Variants in USP22 observed in about 807,000 individuals in gnomAD.
The protein encoded by USP22 is ubiquitin specific peptidase 22.
In USP22, 22 loss-of-function variants were observed where a neutral mutation model predicts 68.1. The observed-to-expected ratio is 0.32, with a 90% CI of 0.23 to 0.46. USP22 has a LOEUF of 0.46. USP22 is among the 20% of genes least tolerant of loss of function. The pLI is 1.00. For synonymous variants in USP22, 279 were observed against 274.2 expected, an observed-to-expected ratio of 1.02 and a Z score of -0.17; for missense variants, 433 against 695.8, an observed-to-expected ratio of 0.62 and a Z score of 4.25.
intron 1 of USP22, among the ~76,000 whole-genome samples, chr17:21,040,956 C>T (rs1972421989): frequency 6.6e-6 from 1 of 151,294 alleles, no homozygotes; most frequent in African/African-American, 2.4e-5. Flanking sequence ...GCGATCACTG[C>T]TCACTGCAAC....
At chr17:21,012,968 C>G (rs1330083018) in intron 6 of USP22, 33 bp from the exon 7 acceptor site, 1 of 1,602,958 alleles carries the variant, frequency 6.2e-7, no homozygotes, top group Non-Finnish European at 8.5e-7. Flanking sequence ...GGATTAGTGT[C>G]TCCCCAAATA....
At chr17:21,023,165 G>A (rs1448804414) in intron 2 of USP22, among the ~76,000 whole-genome samples, 2 of 152,056 alleles carry the variant, frequency 1.3e-5, no homozygotes, top group East Asian at 3.9e-4. Flanking sequence ...AACAGACACT[G>A]CGGCCTACTT....
At chr17:21,010,776 A>C (rs1423933839) in intron 8 of USP22, among the ~76,000 whole-genome samples, 1 of 152,146 alleles carries the variant, frequency 6.6e-6, no homozygotes, top group Non-Finnish European at 1.5e-5. Flanking sequence ...ACTAAGTTTT[A>C]ATCATGTGCA....
At chr17:21,015,720 C>T in intron 6 of USP22, 32 bp downstream of exon 6, 1 of 1,586,288 alleles carries the variant, frequency 6.3e-7, no homozygotes, top group Non-Finnish European at 8.6e-7. Context: ...AAACATCCTG[C>T]CCTGGTGGAG....
chr17:21,037,829 A>G (rs1278996072), intron 1 of USP22, among the ~76,000 whole-genome samples: 1 of 152,246 alleles, frequency 6.6e-6, no homozygotes, highest in Non-Finnish European at 1.5e-5. Flanking sequence ...TATATTGAAG[A>G]TAGACTGTAT....
intron 6 of USP22, among the ~76,000 whole-genome samples, chr17:21,015,462 A>G (rs1160461718): frequency 6.6e-6 from 1 of 152,156 alleles, no homozygotes; most frequent in Non-Finnish European, 1.5e-5. Context: ...GCCTCAAAGC[A>G]CAGGCCCAAG....
intron 4 of USP22, among the ~76,000 whole-genome samples, chr17:21,018,799 T>C (rs1335742625): frequency 6.6e-6 from 1 of 152,258 alleles, no homozygotes; most frequent in African/African-American, 2.4e-5. Context: ...TGAAGATTAC[T>C]GTGCCCAGCC....
At position 21,000,729 on chromosome 17, in the gene USP22, C is replaced by G. The variant is rs1913539653; in HGVS notation, c.*2302G>C. On this transcript the variant is annotated 3_prime_UTR_variant, in exon 13 of 13. Coordinates refer to ENST00000261497, the MANE Select transcript of USP22 (RefSeq NM_015276.2). ...AGCTCACAATCCTGTGGGCCAACTTCAGTCAACTCTCCTTTCCATTAGATT... is the reference window on the plus strand; with the variant it reads ...AGCTCACAATCCTGTGGGCCAACTTGAGTCAACTCTCCTTTCCATTAGATT... The G allele has an allele frequency of 1.3e-5, 2 of 152,262 alleles. No homozygotes were observed. Among genetic ancestry groups the G allele is most frequent in the South Asian group, 4.1e-4 (2 of 4,832 alleles). 9.4% of individuals were successfully genotyped at this position (152,262 alleles called of 1,614,324 possible).
At chr17:21,039,153 G>C (rs571890512) in intron 1 of USP22, among the ~76,000 whole-genome samples, 1 of 151,880 alleles carries the variant, frequency 6.6e-6, no homozygotes, top group African/African-American at 2.4e-5. Flanking sequence ...TGGTTTCACC[G>C]TGTTAGCCAG....
rs148971299 is a variant in USP22, at chr17:21,028,274, G to A, written c.304+268C>T. 4.4e-3 allele frequency among the ~76,000 whole-genome samples: 669 copies of A among 152,194 alleles called. 7 individuals are homozygous for A. The highest frequency in any genetic ancestry group is 0.015 in the African/African-American group (633 of 41,518). On this transcript the variant is annotated intron_variant, in intron 2 of 12. Transcript: ENST00000261497. ...AAAGGGTCTGACGTTTCATTAGCAGGGACAGTGCAACTTTTCACAGGAAGT... is the reference window on the plus strand; with the variant it reads ...AAAGGGTCTGACGTTTCATTAGCAGAGACAGTGCAACTTTTCACAGGAAGT...
chr17:21,027,612 C>A (rs1051186800), intron 2 of USP22, among the ~76,000 whole-genome samples: 15 of 152,222 alleles, frequency 9.9e-5, no homozygotes, highest in Admixed American at 7.2e-4. Context: ...ATCCTGCCAA[C>A]TCCATGAGCA....
In USP22 at chr17:21,011,171, C is replaced by T. The variant is rs199747433; in HGVS notation, c.1083G>A (p.Thr361=). The change falls in exon 8 of 13, where the codon ACG becomes ACA. Residue 361 remains threonine, a synonymous_variant. Coordinates refer to ENST00000261497, the MANE Select transcript of USP22 (RefSeq NM_015276.2). ...NGESHVSGTT[T]LTDCLRRFTR... ...CTCACCGTCGCAGGCAGTCCGTGAG[C>T]GTGGTGGTTCCCGACACGTGGCTTT... The T allele has an allele frequency of 1.8e-4, 285 of 1,605,184 alleles. No homozygotes were observed. The highest frequency in any genetic ancestry group is 1.7e-4 in the Non-Finnish European group (205 of 1,175,074).
chr17:21,022,626 C>T (rs1233797650), intron 2 of USP22, among the ~76,000 whole-genome samples: 3 of 151,998 alleles, frequency 2.0e-5, no homozygotes, highest in Non-Finnish European at 4.4e-5. Flanking sequence ...GGTGAAACCC[C>T]GTCTCTACTA....
chr17:21,038,531 G>A (rs150620167), intron 1 of USP22, among the ~76,000 whole-genome samples: 5 of 152,172 alleles, frequency 3.3e-5, no homozygotes, highest in Non-Finnish European at 7.4e-5. Context: ...AGCCAGGTGC[G>A]GTGGCGCATG....
At chr17:21,016,857 C>T (rs1461584899) in intron 5 of USP22, among the ~76,000 whole-genome samples, 1 of 152,184 alleles carries the variant, frequency 6.6e-6, no homozygotes, top group Admixed American at 6.5e-5. Context: ...CACAACTATG[C>T]ATTCGTCGAA....
At chr17:21,038,609 A>C (rs1174146729) in intron 1 of USP22, among the ~76,000 whole-genome samples, 1 of 152,068 alleles carries the variant, frequency 6.6e-6, no homozygotes, top group East Asian at 1.9e-4. Flanking sequence ...TCGAGGCTGC[A>C]GTGAGCCATG....
chr17:21,031,586 GTCTC>G (rs1392590953), intron 1 of USP22, among the ~76,000 whole-genome samples: 6 of 146,086 alleles, frequency 4.1e-5, no homozygotes, highest in African/African-American at 1.3e-4. Flanking sequence ...CTCCATTATA[GTCTC>G]TCTCTACTAC....
rs71357459 is a variant in USP22 at position 21,027,292 on chromosome 17, C to CAAAAAAAAAAAAAAA, written c.304+1235_304+1249dup. ...TCCAGACAAAGCGAGACCCTGTCTC[C>CAAAAAAAAAAAAAAA]AAAAAAAAAAAAAAAAAATCAGACA... On this transcript the variant is annotated intron_variant, in intron 2 of 12. Transcript: ENST00000261497. 8.7e-4 allele frequency among the ~76,000 whole-genome samples: 63 copies of CAAAAAAAAAAAAAAA among 72,246 alleles called. 2 individuals carry two copies. Among genetic ancestry groups the CAAAAAAAAAAAAAAA allele is most frequent in the African/African-American group, 2.4e-3 (49 of 20,006 alleles). The allele number at this position is 72,246 out of a possible 152,430, so 47.4% of individuals were successfully genotyped here. A position where few individuals can be genotyped will look rare whatever the true frequency, so the allele number is the denominator to read the frequency against.
intron 1 of USP22, among the ~76,000 whole-genome samples, chr17:21,041,173 G>A (rs929217002): frequency 6.6e-6 from 1 of 151,318 alleles, no homozygotes; most frequent in African/African-American, 2.4e-5. Flanking sequence ...GTCAGCCACC[G>A]CGCCAAGCCA....
Sources: allele counts gnomAD v4.1 joint callset (sites outside exome capture counted in the v4.1 genomes callset), GRCh38; gene constraint gnomAD v4.1.1; transcripts MANE v1.5; gene names NCBI Gene and HGNC (gene_info 2026-07-23, HGNC 2026-07-21).